The following GRIK4 variants were observed in gnomAD, a reference collection of about 807,000 sequenced individuals.
GRIK4 encodes glutamate ionotropic receptor kainate type subunit 4.
A neutral mutation model predicts 104.9 loss-of-function variants in GRIK4; 40 were observed. The observed-to-expected ratio is 0.38, with a 90% CI of 0.30 to 0.50. GRIK4 has a LOEUF of 0.50. Among genes scored for constraint, GRIK4 ranks in the 20% least tolerant of loss-of-function variants. GRIK4 has a pLI of 0.93. For synonymous variants in GRIK4, 485 were observed against 524.9 expected (o/e 0.92, Z 1.04); for missense variants, 1,047 against 1,308.1 (o/e 0.80, Z 3.08).
chr11:120,723,187 T>C (rs1950964097), intron 3 of GRIK4, among the ~76,000 whole-genome samples: 1 of 152,262 alleles, frequency 6.6e-6, no homozygotes, highest in Admixed American at 6.5e-5. Flanking sequence ...ATTCATTCTT[T>C]AGCAGATTCC....
At chr11:120,984,006 G>A (rs183002309) in intron 20 of GRIK4, among the ~76,000 whole-genome samples, 3 of 152,180 alleles carry the variant, frequency 2.0e-5, no homozygotes, top group African/African-American at 4.8e-5. Flanking sequence ...CAATTGGGGG[G>A]TGTGATGGGG....
chr11:120,978,471 C>T (rs540291634), intron 19 of GRIK4, among the ~76,000 whole-genome samples: 6 of 152,150 alleles, frequency 3.9e-5, no homozygotes, highest in South Asian at 4.2e-4. Flanking sequence ...GTAAGAGCAA[C>T]GATGCTGTGT....
chr11:120,595,927 AC>A (rs113509102), intron 1 of GRIK4, among the ~76,000 whole-genome samples: 2 of 152,314 alleles, frequency 1.3e-5, no homozygotes, highest in African/African-American at 4.8e-5. Flanking sequence ...GCTCACTGCA[AC>A]TTCCACCTCC....
chr11:120,956,685 G>A lies in GRIK4; in HGVS notation c.1701-95G>A, dbSNP rs987272386. Reference sequence around the variant, plus strand: ...GGAAGTGGCTTGCCCAAGGCCACAGGCCGGTCTCAGAGGTGAGACCAGCCA... The same window carrying A: ...GGAAGTGGCTTGCCCAAGGCCACAGACCGGTCTCAGAGGTGAGACCAGCCA... On this transcript the variant is annotated intron_variant, in intron 15 of 20. Transcript: ENST00000527524. The surrounding 1 kb of genome is among the most constrained non-coding windows in gnomAD (Gnocchi z 4.6). 1 of 855,932 alleles carries A rather than the reference G, an allele frequency of 1.2e-6. No homozygotes were observed. Among genetic ancestry groups the A allele is most frequent in the African/African-American group, 1.7e-5 (1 of 58,674 alleles). The allele number at this position is 855,932 out of a possible 1,614,324, so 53.0% of individuals were successfully genotyped here.
At chr11:120,516,925 C>T (rs1347892143) in intron 1 of GRIK4, among the ~76,000 whole-genome samples, 2 of 151,988 alleles carry the variant, frequency 1.3e-5, no homozygotes, top group Admixed American at 6.6e-5. Context: ...GCGGCTGCTG[C>T]GTTCCTGGGC....
intron 3 of GRIK4, among the ~76,000 whole-genome samples, chr11:120,786,995 AATG>A (rs1218691546): frequency 2.4e-4 from 36 of 152,190 alleles, no homozygotes; most frequent in Non-Finnish European, 1.5e-5. Flanking sequence ...GAAATACACA[AATG>A]ATTTTTATAT....
intron 3 of GRIK4, among the ~76,000 whole-genome samples, chr11:120,689,272 A>G (rs1477987024): frequency 6.6e-6 from 1 of 152,044 alleles, no homozygotes; most frequent in Non-Finnish European, 1.5e-5. Flanking sequence ...CTTGCCTGGC[A>G]AGAGCCTCCT....
intron 1 of GRIK4, among the ~76,000 whole-genome samples, chr11:120,516,412 C>A (rs375746694): frequency 1.3e-5 from 2 of 152,000 alleles, no homozygotes; most frequent in East Asian, 3.9e-4. Context: ...ACTGGGCGCT[C>A]GGGCACAGGA....
intron 1 of GRIK4, among the ~76,000 whole-genome samples, chr11:120,527,487 G>T (rs900606059): frequency 1.3e-5 from 2 of 152,218 alleles, no homozygotes; most frequent in African/African-American, 4.8e-5. Flanking sequence ...GCAGGGAGCC[G>T]CTGCAAGTTC....
At chr11:120,670,028 A>G (rs987387954) in intron 3 of GRIK4, among the ~76,000 whole-genome samples, 1 of 152,174 alleles carries the variant, frequency 6.6e-6, no homozygotes, top group Non-Finnish European at 1.5e-5. Flanking sequence ...ATAAATGGTA[A>G]TGCCATTCTA....
chr11:120,880,113 G>A (rs757330799), intron 11 of GRIK4, among the ~76,000 whole-genome samples: 2 of 152,138 alleles, frequency 1.3e-5, no homozygotes, highest in Non-Finnish European at 2.9e-5. Flanking sequence ...TTTTCTGTTG[G>A]CTCACTGTGT....
intron 11 of GRIK4, among the ~76,000 whole-genome samples, chr11:120,893,480 A>G (rs1449994789): frequency 1.3e-5 from 2 of 152,182 alleles, no homozygotes; most frequent in Non-Finnish European, 2.9e-5. Flanking sequence ...CTGGAATCCT[A>G]TTTTTTCTAC....
At chr11:120,890,575 T>G (rs947194756) in intron 11 of GRIK4, among the ~76,000 whole-genome samples, 2 of 152,260 alleles carry the variant, frequency 1.3e-5, no homozygotes, top group South Asian at 2.1e-4. Context: ...CAATCTCAGT[T>G]TAATCTCCTA....
intron 4 of GRIK4, among the ~76,000 whole-genome samples, chr11:120,805,015 C>T (rs988932683): frequency 2.6e-5 from 4 of 152,152 alleles, no homozygotes; most frequent in Admixed American, 6.5e-5. Flanking sequence ...TTTATTCATT[C>T]GGTCAGTAAG....
chr11:120,587,364 A>G (rs1948680196), intron 1 of GRIK4, among the ~76,000 whole-genome samples: 2 of 152,166 alleles, frequency 1.3e-5, no homozygotes, highest in South Asian at 2.1e-4. Flanking sequence ...ATAATGTCAC[A>G]TGGAAAGGAG....
Position 120,850,796 on chromosome 11 carries a change from C to CATTATTATTATTATT in GRIK4, c.745-11137_745-11123dup, listed in dbSNP as rs60692595. Among the ~76,000 whole-genome samples the CATTATTATTATTATT allele has an allele frequency of 9.6e-3, 1,394 of 144,804 alleles. 14 individuals carry two copies. The highest frequency in any genetic ancestry group is 0.019 in the East Asian group (95 of 4,982). The allele number at this position is 144,804 out of a possible 152,430, so 95.0% of individuals were successfully genotyped here. A position where few individuals can be genotyped will look rare whatever the true frequency, so the allele number is the denominator to read the frequency against. ...AAATAAAAGGCATTATGGCAAATCA[C>CATTATTATTATTATT]ATTATTATTATTATTATTATTATTA... is the stretch of plus-strand genomic sequence containing the variant. On this transcript the variant is annotated intron_variant, in intron 8 of 20. Coordinates refer to ENST00000527524, the MANE Select transcript of GRIK4 (RefSeq NM_014619.5).
intron 11 of GRIK4, among the ~76,000 whole-genome samples, chr11:120,877,025 C>G (rs1480052136): frequency 6.6e-6 from 1 of 152,184 alleles, no homozygotes; most frequent in Admixed American, 6.5e-5. Flanking sequence ...ATGCTGGGCC[C>G]TGAGGCCAGG....
intron 3 of GRIK4, among the ~76,000 whole-genome samples, chr11:120,667,041 G>A (rs201939874): frequency 6.6e-6 from 1 of 152,324 alleles, no homozygotes; most frequent in Admixed American, 6.5e-5. Flanking sequence ...CCCCATACCC[G>A]GAGGGGGCCA....
At chr11:120,763,399 G>A (rs1284900358) in intron 3 of GRIK4, among the ~76,000 whole-genome samples, 1 of 152,066 alleles carries the variant, frequency 6.6e-6, no homozygotes. Flanking sequence ...ACCAGTTCCT[G>A]GATTCACTGA....
Sources: gnomAD v4.1 joint callset for allele counts (sites outside exome capture counted in the v4.1 genomes callset) on GRCh38, gnomAD v4.1.1 for gene constraint, Gnocchi (gnomAD v3.1) non-coding constraint, MANE v1.5 for transcripts, NCBI Gene and HGNC (gene_info 2026-07-23, HGNC 2026-07-21) for gene names.